SLC13A4: variants seen among roughly 807,000 people sequenced by gnomAD.
SLC13A4 encodes Na(+)/sulfate cotransporter SUT-1.
In SLC13A4, 28 loss-of-function variants were observed where a neutral mutation model predicts 72.7. The ratio of observed to expected loss-of-function variants is 0.39; its 90% confidence interval spans 0.29 to 0.53. The LOEUF (loss-of-function observed/expected upper bound fraction) is 0.53, where lower values mean the gene tolerates loss of function less well. Among genes scored for constraint, SLC13A4 ranks in the 20% least tolerant of loss-of-function variants. SLC13A4 has a pLI of 0.78. For missense variants in SLC13A4, 653 were observed against 788.0 expected (o/e 0.83, Z 2.05); for synonymous variants, 312 against 325.5 (o/e 0.96, Z 0.45).
At chr7:135,683,001 C>T (rs532114160) in intron 15 of SLC13A4, among the ~76,000 whole-genome samples, 17 of 151,984 alleles carry the variant, frequency 1.1e-4, no homozygotes, top group African/African-American at 3.1e-4. Context: ...TTCGAACAGT[C>T]GAAAGGACCT....
At chr7:135,713,927 G>C (rs1796360360) in intron 2 of SLC13A4, among the ~76,000 whole-genome samples, 1 of 152,168 alleles carries the variant, frequency 6.6e-6, no homozygotes, top group Admixed American at 6.5e-5. Flanking sequence ...GCAGATACCT[G>C]GCCTGGCTCC....
Position 135,700,754 on chromosome 7 carries a change from C to T in SLC13A4, c.714+926G>A, listed in dbSNP as rs1264286832. Reference sequence around the variant, plus strand: ...TGACCTCCTGGGCTCAAGTGATCCTCCTACCTCAGCCTCCTGAGTAGCTGG... The same window carrying T: ...TGACCTCCTGGGCTCAAGTGATCCTTCTACCTCAGCCTCCTGAGTAGCTGG... On this transcript the variant is annotated intron_variant, in intron 7 of 15. Transcript: ENST00000682651. 2.6e-5 allele frequency among the ~76,000 whole-genome samples: 4 copies of T among 152,190 alleles called. No individual in the cohort carries two copies. In the South Asian group the frequency reaches 6.2e-4, roughly 24 times the overall value.
chr7:135,688,247 A>T (rs1795686119), intron 13 of SLC13A4, among the ~76,000 whole-genome samples: 1 of 151,296 alleles, frequency 6.6e-6, no homozygotes. Flanking sequence ...AAGTGCTGGG[A>T]TTACAGGCAT....
At position 135,699,355 on chromosome 7, in the gene SLC13A4, A is replaced by G; in HGVS notation, c.899+9T>C. ...TAGTAAATATTTGTTGACCAAGTGAATCACTTACTTGTTGAAGTGTTCCAG... is the reference window on the plus strand; with the variant it reads ...TAGTAAATATTTGTTGACCAAGTGAGTCACTTACTTGTTGAAGTGTTCCAG... On this transcript the variant is annotated intron_variant, in intron 8 of 15. Coordinates refer to ENST00000682651, the MANE Select transcript of SLC13A4 (RefSeq NM_001318192.2). 1 of 1,605,640 alleles carries G rather than the reference A, an allele frequency of 6.2e-7. No individual in the cohort carries two copies. The highest frequency in any genetic ancestry group is 8.5e-7 in the Non-Finnish European group (1 of 1,175,116).
In SLC13A4 at chr7:135,681,401, G is replaced by T; in HGVS notation, c.*162C>A. 1 of 753,224 alleles carries T rather than the reference G, an allele frequency of 1.3e-6. No individual in the cohort carries two copies. The highest frequency in any genetic ancestry group is 2.1e-6 in the Non-Finnish European group (1 of 484,380). 46.7% of individuals were successfully genotyped at this position (753,224 alleles called of 1,614,324 possible). A position where few individuals can be genotyped will look rare whatever the true frequency, so the allele number is the denominator to read the frequency against. On this transcript the variant is annotated 3_prime_UTR_variant, in exon 16 of 16. Coordinates refer to ENST00000682651, the MANE Select transcript of SLC13A4 (RefSeq NM_001318192.2). ...TGTTTGTGGTTGTTGGAGGATTCCTGCAGTTCACTTGAGGTGGCGGAATCT... is the reference window on the plus strand; with the variant it reads ...TGTTTGTGGTTGTTGGAGGATTCCTTCAGTTCACTTGAGGTGGCGGAATCT...
In SLC13A4 at chr7:135,708,215, C is replaced by G. The variant is rs1267869560; in HGVS notation, c.264G>C (p.Leu88=). ...AAEYFKNTTL[L]LVGVICVAAA... is the part of the protein sequence containing the mutation. ...CCGCCACGCAGATGACCCCCACCAG[C>G]AGCAGCGTGGTGTTCTTGAAGTACT... The change falls in exon 3 of 16, where the codon CTG becomes CTC. Residue 88 remains leucine (L), a synonymous_variant. Transcript: ENST00000682651. The G allele has an allele frequency of 1.2e-6, 2 of 1,614,240 alleles. No individual in the cohort carries two copies. The highest frequency in any genetic ancestry group is 1.1e-5 in the South Asian group (1 of 91,088).
intron 1 of SLC13A4, among the ~76,000 whole-genome samples, chr7:135,723,655 G>A (rs528094935): frequency 9.2e-5 from 14 of 152,140 alleles, no homozygotes; most frequent in South Asian, 4.1e-4. Flanking sequence ...TTCAGAACAC[G>A]CGTCCTCAAA....
chr7:135,682,191 G>A (rs1318238868), intron 15 of SLC13A4, among the ~76,000 whole-genome samples: 3 of 152,164 alleles, frequency 2.0e-5, no homozygotes, highest in Admixed American at 6.5e-5. Flanking sequence ...TTGGGGAAAC[G>A]GTTTAGCTGC....
At chr7:135,717,651 C>T (rs1796458502) in intron 2 of SLC13A4, among the ~76,000 whole-genome samples, 1 of 152,180 alleles carries the variant, frequency 6.6e-6, no homozygotes. Context: ...TGACAGATCA[C>T]CACTGTAAAA....
At chr7:135,706,865 T>C (rs1055512477) in intron 3 of SLC13A4, among the ~76,000 whole-genome samples, 2 of 152,216 alleles carry the variant, frequency 1.3e-5, no homozygotes, top group Admixed American at 1.3e-4. Context: ...GTGTGCACTT[T>C]TCCAGCTGAC....
rs1176785637 is a variant in SLC13A4 at position 135,727,616 on chromosome 7, C to T, written c.-120G>A. ...AAACCTTTCTTGGCTTCCGAGAGTC[C>T]TCCTTCGTCTTGGGGGCAGAACGGG... On this transcript the variant is annotated 5_prime_UTR_variant, in exon 1 of 16. Coordinates refer to ENST00000682651, the MANE Select transcript of SLC13A4 (RefSeq NM_001318192.2). 7.7e-7 allele frequency: 1 copy of T among 1,291,352 alleles called. No homozygotes were observed. The highest frequency in any genetic ancestry group is 1.0e-6 in the Non-Finnish European group (1 of 962,094). 80.0% of individuals were successfully genotyped at this position (1,291,352 alleles called of 1,614,324 possible). A position where few individuals can be genotyped will look rare whatever the true frequency, so the allele number is the denominator to read the frequency against.
chr7:135,706,886 G>A (rs1014097367), intron 3 of SLC13A4, among the ~76,000 whole-genome samples: 4 of 152,174 alleles, frequency 2.6e-5, no homozygotes, highest in Admixed American at 6.5e-5. Flanking sequence ...ATCTTAAAGC[G>A]TCAACACTTG....
chr7:135,705,712 G>T, intron 4 of SLC13A4, 62 bp from the exon 5 acceptor site: 1 of 1,470,842 alleles, frequency 6.8e-7, no homozygotes, highest in South Asian at 1.1e-5. Flanking sequence ...CCTGTGGGTT[G>T]GAGCATAGCT....
chr7:135,683,340 T>C, intron 15 of SLC13A4: 2 of 609,170 alleles, frequency 3.3e-6, no homozygotes, highest in Non-Finnish European at 4.1e-6. Flanking sequence ...AAAAAGGACC[T>C]GAATATCTGC....
chr7:135,695,468 C>T lies in SLC13A4; in HGVS notation c.919G>A (p.Val307Met), dbSNP rs1283938315. ...AGGAACCAGGTGCCAAAGTTCACCA[C>T]CTCTGCGGCTGGATACTGGCTGGAG... ...HFNNQYPAAE[V>M]VNFGTWFLFS... is the part of the protein sequence containing the mutation. The change falls in exon 9 of 16, where the codon GTG (valine) becomes ATG (methionine). Residue 307 changes from valine (V) to methionine (M), a missense_variant. Physicochemically the swap from Val to Met is conservative, Grantham distance 21. Coordinates refer to ENST00000682651, the MANE Select transcript of SLC13A4 (RefSeq NM_001318192.2). 1.2e-6 allele frequency: 2 copies of T among 1,614,140 alleles called. No individual in the cohort carries two copies. The highest frequency in any genetic ancestry group is 1.7e-6 in the Non-Finnish European group (2 of 1,179,992).
chr7:135,704,047 T>C (rs1796103940), intron 5 of SLC13A4: 2 of 152,248 alleles, frequency 1.3e-5, no homozygotes, highest in Admixed American at 6.5e-5. Context: ...CTTTTGGAGT[T>C]TGGGGATACA....
intron 14 of SLC13A4, among the ~76,000 whole-genome samples, chr7:135,684,962 C>T (rs763640850): frequency 6.6e-6 from 1 of 152,088 alleles, no homozygotes; most frequent in Non-Finnish European, 1.5e-5. Flanking sequence ...AAGATCTGGC[C>T]GTTGCTCCCC....
At chr7:135,697,772 C>T (rs1324465113) in intron 8 of SLC13A4, among the ~76,000 whole-genome samples, 1 of 152,168 alleles carries the variant, frequency 6.6e-6, no homozygotes, top group Non-Finnish European at 1.5e-5. Flanking sequence ...CTCTTACCCT[C>T]TGTCGTTTTC....
chr7:135,714,950 G>A (rs556551350), intron 2 of SLC13A4, among the ~76,000 whole-genome samples: 1 of 152,142 alleles, frequency 6.6e-6, no homozygotes, highest in South Asian at 2.1e-4. Context: ...GGGCCCAGGT[G>A]AGAGTGTGTG....
Sources: gnomAD v4.1 joint callset for allele counts (sites outside exome capture counted in the v4.1 genomes callset) on GRCh38, gnomAD v4.1.1 for gene constraint, MANE v1.5 for transcripts, NCBI Gene and HGNC (gene_info 2026-07-23, HGNC 2026-07-21) for gene names.